The following MYF5 variants were observed in gnomAD, a reference collection of about 807,000 sequenced individuals.
MYF5 encodes myogenic factor 5, also known as class C basic helix-loop-helix protein 2.
A neutral mutation model predicts 22.3 loss-of-function variants in MYF5; 20 were observed. That is an observed-to-expected ratio of 0.90 (90% CI 0.63 to 1.30). The LOEUF (loss-of-function observed/expected upper bound fraction) is 1.30, where lower values mean the gene tolerates loss of function less well. MYF5 is among the 50% of genes most tolerant of loss of function. The pLI is 0.00. For synonymous variants in MYF5, 141 were observed against 128.4 expected, an observed-to-expected ratio of 1.10 and a Z score of -0.66; for missense variants, 348 against 325.9, an observed-to-expected ratio of 1.07 and a Z score of -0.52.
rs1487737252 is a variant in MYF5 at position 80,718,740 on chromosome 12, T to C, written c.578-121T>C. ...TTGTTGCAAATTTCTATGTTAGGCTTTCTGTGACCACCTGACCTCTGGGTG... is the reference window on the plus strand; with the variant it reads ...TTGTTGCAAATTTCTATGTTAGGCTCTCTGTGACCACCTGACCTCTGGGTG... On this transcript the variant is annotated intron_variant, in intron 2 of 2. Transcript: ENST00000228644. The C allele has an allele frequency of 8.1e-6, 7 of 861,882 alleles. No homozygotes were observed. In the Admixed American group the frequency reaches 1.0e-4, roughly 12 times the overall value. 53.4% of individuals were successfully genotyped at this position (861,882 alleles called of 1,614,324 possible). A position where few individuals can be genotyped will look rare whatever the true frequency, so the allele number is the denominator to read the frequency against.
At position 80,719,047 on chromosome 12, in the gene MYF5, T is replaced by G. The variant is rs1436166733; in HGVS notation, c.764T>G (p.Leu255Arg). 6.2e-7 allele frequency: 1 copy of G among 1,613,238 alleles called. No individual in the cohort carries two copies. The highest frequency in any genetic ancestry group is 1.7e-5 in the Admixed American group (1 of 59,886). ...AGTTCCAGGCTTATCTATCATGTGC[T>G]ATGAACTAATTTTCTGGTCTATATG... ...ASSSRLIYHV[L>R] The change falls in exon 3 of 3, where the codon CTA becomes CGA. Residue 255 changes from leucine (L) to arginine (R), a missense_variant. Leu to Arg is a moderately radical substitution (Grantham distance 102, BLOSUM62 -2). Transcript: ENST00000228644.
Position 80,717,490 on chromosome 12 carries a change from G to A in MYF5, c.427G>A (p.Glu143Lys). 1 of 1,614,138 alleles carries A rather than the reference G, an allele frequency of 6.2e-7. No individual in the cohort carries two copies. The highest frequency in any genetic ancestry group is 8.5e-7 in the Non-Finnish European group (1 of 1,180,024). The change falls in exon 1 of 3, where the codon GAG becomes AAG. Residue 143 changes from glutamate to lysine, a missense_variant. Transcript: ENST00000228644. ...SLQELLREQVENYYSLPGQSC... is the reference protein window; with the variant it reads ...SLQELLREQVKNYYSLPGQSC... ...GCAGGAGTTGCTGAGAGAGCAGGTG[G>A]AGAACTACTATAGCCTGCCGGGACA...
Position 80,719,530 on chromosome 12 carries a change from C to A in MYF5, c.*479C>A, listed in dbSNP as rs1868696645. On this transcript the variant is annotated 3_prime_UTR_variant, in exon 3 of 3. Coordinates refer to ENST00000228644, the MANE Select transcript of MYF5 (RefSeq NM_005593.3). ...TATTGTATTAAATAAAAATATAATACTGCCTAATGTATATATTTTGATCTT... is the reference window on the plus strand; with the variant it reads ...TATTGTATTAAATAAAAATATAATAATGCCTAATGTATATATTTTGATCTT... 1 of 151,770 alleles carries A rather than the reference C, an allele frequency of 6.6e-6. No homozygotes were observed. Among genetic ancestry groups the A allele is most frequent in the South Asian group, 2.1e-4 (1 of 4,818 alleles). 9.4% of individuals were successfully genotyped at this position (151,770 alleles called of 1,614,324 possible). A position where few individuals can be genotyped will look rare whatever the true frequency, so the allele number is the denominator to read the frequency against.
chr12:80,717,341 G>A lies in MYF5; in HGVS notation c.278G>A (p.Arg93Gln). Residue 93 changes from arginine to glutamine, a missense_variant, in exon 1 of 3, where the codon CGG becomes CAG. Physicochemically the swap from Arg to Gln is conservative, Grantham distance 43 (BLOSUM62 1). Coordinates refer to ENST00000228644, the MANE Select transcript of MYF5 (RefSeq NM_005593.3). ...DRRKAATMRE[R>Q]RRLKKVNQAF... is the part of the protein sequence containing the mutation. ...CGGAAGGCAGCCACTATGCGCGAGC[G>A]GAGGCGCCTGAAGAAGGTCAACCAG... 2 of 1,614,148 alleles carry A rather than the reference G, an allele frequency of 1.2e-6. No homozygotes were observed. Among genetic ancestry groups the A allele is most frequent in the South Asian group, 1.1e-5 (1 of 91,088 alleles).
rs1868688940 is a variant in MYF5, at chr12:80,719,268, G to A, written c.*217G>A. 2.5e-6 allele frequency: 1 copy of A among 404,442 alleles called. No homozygotes were observed. The highest frequency in any genetic ancestry group is 2.1e-5 in the African/African-American group (1 of 48,618). The allele number at this position is 404,442 out of a possible 1,614,324, so 25.1% of individuals were successfully genotyped here. On this transcript the variant is annotated 3_prime_UTR_variant, in exon 3 of 3. Coordinates refer to ENST00000228644, the MANE Select transcript of MYF5 (RefSeq NM_005593.3). ...CTTCTTCTTTATTATTCTTTGCTTA[G>A]ATATTAATACATAGTTCCAGTAATA...
Position 80,719,096 on chromosome 12 carries a change from C to A in MYF5, c.*45C>A, listed in dbSNP as rs1868684770. 1 of 1,521,142 alleles carries A rather than the reference C, an allele frequency of 6.6e-7. No individual in the cohort carries two copies. Among genetic ancestry groups the A allele is most frequent in the Non-Finnish European group, 9.0e-7 (1 of 1,115,916 alleles). 94.2% of individuals were successfully genotyped at this position (1,521,142 alleles called of 1,614,324 possible). ...TGACTTCTTCCAGGAGGGCCTAATA[C>A]ACAGGAAGAAGAAGGCTTCAAAAAG... On this transcript the variant is annotated 3_prime_UTR_variant, in exon 3 of 3. Transcript: ENST00000228644.
rs143633658 is a variant in MYF5 at position 80,718,368 on chromosome 12, A to T, written c.512A>T (p.Asn171Ile). 4.5e-5 allele frequency: 72 copies of T among 1,614,016 alleles called. No homozygotes were observed. In the African/African-American group the frequency reaches 9.3e-4, roughly 21 times the overall value. The change falls in exon 2 of 3, where the codon AAC (asparagine) becomes ATC (isoleucine). Residue 171 changes from asparagine to isoleucine, a missense_variant. Transcript: ENST00000228644. ...SNCSDGMPEC[N>I]SPVWSRKSST... ...TGTCTTGTATTATAGCCCGAATGTAACAGTCCTGTCTGGTCCAGAAAGAGC... is the reference window on the plus strand; with the variant it reads ...TGTCTTGTATTATAGCCCGAATGTATCAGTCCTGTCTGGTCCAGAAAGAGC...
intron 2 of MYF5, 105 bp from the exon 3 acceptor site, chr12:80,718,756 C>A: frequency 1.0e-6 from 1 of 973,828 alleles, no homozygotes; most frequent in Non-Finnish European, 1.5e-6. Context: ...GACCACCTGA[C>A]CTCTGGGTGT....
chr12:80,717,524 C>G lies in MYF5; in HGVS notation c.461C>G (p.Ser154Trp), dbSNP rs750446186. The G allele has an allele frequency of 7.4e-6, 12 of 1,614,082 alleles. No homozygotes were observed. Among genetic ancestry groups the G allele is most frequent in the South Asian group, 6.6e-5 (6 of 91,068 alleles). The change falls in exon 1 of 3, where the codon TCG (serine) becomes TGG (tryptophan). Residue 154 changes from serine (S) to tryptophan (W), a missense_variant. By Grantham distance (177) the Ser-to-Trp change is radical. Transcript: ENST00000228644. ...NYYSLPGQSC[S>W]EPTSPTSNCS... Reference sequence around the variant, plus strand: ...TATAGCCTGCCGGGACAGAGCTGCTCGGAGCCCACCAGCCCCACCTCCAAC... The same window carrying G: ...TATAGCCTGCCGGGACAGAGCTGCTGGGAGCCCACCAGCCCCACCTCCAAC...
Position 80,718,882 on chromosome 12 carries a change from C to CCTTATCCAGCTTGGATTG in MYF5, c.608_625dup (p.Ser203_Ser208dup). The CCTTATCCAGCTTGGATTG allele has an allele frequency of 6.2e-7, 1 of 1,613,776 alleles. No homozygotes were observed. Among genetic ancestry groups the CCTTATCCAGCTTGGATTG allele is most frequent in the African/African-American group, 1.3e-5 (1 of 75,024 alleles). ...TTAGTATATGCCACAGATAAAAACT[C>CCTTATCCAGCTTGGATTG]CTTATCCAGCTTGGATTGCTTATCC... is the stretch of plus-strand genomic sequence containing the variant. On this transcript the variant is annotated inframe_insertion, in exon 3 of 3. Coordinates refer to ENST00000228644, the MANE Select transcript of MYF5 (RefSeq NM_005593.3).
At chr12:80,718,559 CT>C (rs1416772983) in intron 2 of MYF5, 126 bp downstream of exon 2, 32 of 922,216 alleles carry the variant, frequency 3.5e-5, no homozygotes, top group Non-Finnish European at 5.3e-5. Flanking sequence ...TATAGGGAGG[CT>C]TTGGTAAAGC....
intron 1 of MYF5, 105 bp from the exon 2 acceptor site, chr12:80,718,253 C>T: frequency 1.1e-6 from 1 of 881,412 alleles, no homozygotes; most frequent in East Asian, 2.4e-5. Flanking sequence ...AGGTGATTGA[C>T]AGTGTTCGGT....
At position 80,717,362 on chromosome 12, in the gene MYF5, A is replaced by C. The variant is rs1046558976; in HGVS notation, c.299A>C (p.Asn100Thr). 31 of 1,614,066 alleles carry C rather than the reference A, an allele frequency of 1.9e-5. No individual in the cohort carries two copies. The highest frequency in any genetic ancestry group is 2.5e-5 in the Non-Finnish European group (30 of 1,180,046). ...MRERRRLKKV[N>T]QAFETLKRCT... ...GAGCGGAGGCGCCTGAAGAAGGTCA[A>C]CCAGGCTTTCGAAACCCTCAAGAGG... is the stretch of plus-strand genomic sequence containing the variant. The change falls in exon 1 of 3, where the codon AAC becomes ACC. Residue 100 changes from asparagine to threonine, a missense_variant. Transcript: ENST00000228644.
Position 80,718,980 on chromosome 12 carries a change from G to T in MYF5, c.697G>T (p.Val233Phe). Reference protein sequence around the residue: ...PLQDLASLSPVASTDSQPATP... With the variant: ...PLQDLASLSPFASTDSQPATP... Reference sequence around the variant, plus strand: ...CCAGGATCTGGCTTCTCTCTCTCCAGTTGCCAGCACCGATTCACAGCCTGC... The same window carrying T: ...CCAGGATCTGGCTTCTCTCTCTCCATTTGCCAGCACCGATTCACAGCCTGC... The change falls in exon 3 of 3, where the codon GTT (valine) becomes TTT (phenylalanine). Residue 233 changes from valine (V) to phenylalanine (F), a missense_variant. Val to Phe is a conservative substitution (Grantham distance 50). Transcript: ENST00000228644. The T allele has an allele frequency of 6.2e-7, 1 of 1,614,056 alleles. No homozygotes were observed. Among genetic ancestry groups the T allele is most frequent in the Middle Eastern group, 1.6e-4 (1 of 6,062 alleles).
intron 2 of MYF5, 79 bp from the exon 3 acceptor site, chr12:80,718,782 A>G: frequency 7.9e-7 from 1 of 1,267,612 alleles, no homozygotes; most frequent in Non-Finnish European, 1.1e-6. Flanking sequence ...GAGCTGACCT[A>G]CAATTTAAGG....
rs767843717 is a variant in MYF5 at position 80,718,395 on chromosome 12, G to A, written c.539G>A (p.Ser180Asn). The A allele has an allele frequency of 6.2e-7, 1 of 1,614,102 alleles. No individual in the cohort carries two copies. The highest frequency in any genetic ancestry group is 8.5e-7 in the Non-Finnish European group (1 of 1,179,938). ...AGTCCTGTCTGGTCCAGAAAGAGCA[G>A]TACTTTTGACAGCATCTACTGTCCT... ...CNSPVWSRKS[S>N]TFDSIYCPDV... The change falls in exon 2 of 3, where the codon AGT becomes AAT. Residue 180 changes from serine to asparagine, a missense_variant. Coordinates refer to ENST00000228644, the MANE Select transcript of MYF5 (RefSeq NM_005593.3).
chr12:80,718,710 G>T (rs985603154), intron 2 of MYF5, 151 bp from the exon 3 acceptor site: 2 of 702,708 alleles, frequency 2.8e-6, no homozygotes, highest in Non-Finnish European at 4.7e-6. Context: ...GGAATTGCCA[G>T]ATATTTGTTG....
intron 2 of MYF5, among the ~76,000 whole-genome samples, 187 bp downstream of exon 2, chr12:80,718,620 C>G (rs1001122658): frequency 6.6e-6 from 1 of 152,140 alleles, no homozygotes; most frequent in Admixed American, 6.5e-5. Context: ...CACGCACGCA[C>G]ACATGCATAC....
chr12:80,719,213 C>A lies in MYF5; in HGVS notation c.*162C>A, dbSNP rs1868687602. ...CCACTTTATAAGAAAGTGTATTTAA[C>A]TAAAAAGTCATCATTGCAAATAATA... On this transcript the variant is annotated 3_prime_UTR_variant, in exon 3 of 3. Coordinates refer to ENST00000228644, the MANE Select transcript of MYF5 (RefSeq NM_005593.3). 7.2e-6 allele frequency: 4 copies of A among 556,568 alleles called. No homozygotes were observed. The East Asian group carries it at 1.2e-4, about 17-fold the overall frequency. 34.5% of individuals were successfully genotyped at this position (556,568 alleles called of 1,614,324 possible). A position where few individuals can be genotyped will look rare whatever the true frequency, so the allele number is the denominator to read the frequency against.
Sources: gnomAD v4.1 joint callset for allele counts (sites outside exome capture counted in the v4.1 genomes callset) on GRCh38, gnomAD v4.1.1 for gene constraint, MANE v1.5 for transcripts, NCBI Gene and HGNC (gene_info 2026-07-23, HGNC 2026-07-21) for gene names.